CSMD3: variants seen among roughly 807,000 people sequenced by gnomAD.
CSMD3 encodes CUB and sushi domain-containing protein 3.
CSMD3 carries 177 observed loss-of-function variants against 435.2 expected under a neutral mutation model. The observed-to-expected ratio is 0.41, with a 90% CI of 0.36 to 0.46. The LOEUF is 0.46. Among genes scored for constraint, CSMD3 ranks in the 20% least tolerant of loss-of-function variants. The pLI is 0.34. For synonymous variants in CSMD3, 1,656 were observed against 1,520.5 expected (o/e 1.09, Z -2.07); for missense variants, 4,265 against 4,504.6 (o/e 0.95, Z 1.52).
intron 27 of CSMD3, among the ~76,000 whole-genome samples, chr8:112,519,642 C>T (rs1329203052): frequency 2.0e-5 from 3 of 152,106 alleles, no homozygotes; most frequent in Admixed American, 6.6e-5. Context: ...ATATGTAATA[C>T]TTGTTGAGCA....
At position 113,366,507 on chromosome 8, in the gene CSMD3, A is replaced by C. The variant is rs182507593; in HGVS notation, c.179-51714T>G. ...ACAATAATTTTAATTTATAATCTGCAATAGTGAAAACAAGCATGGCCCTCC... is the reference window on the plus strand; with the variant it reads ...ACAATAATTTTAATTTATAATCTGCCATAGTGAAAACAAGCATGGCCCTCC... On this transcript the variant is annotated intron_variant, in intron 1 of 70. Coordinates refer to ENST00000297405, the MANE Select transcript of CSMD3 (RefSeq NM_198123.2). 8.5e-5 allele frequency among the ~76,000 whole-genome samples: 13 copies of C among 152,184 alleles called. No homozygotes were observed. The East Asian group carries it at 2.3e-3, about 27-fold the overall frequency.
intron 1 of CSMD3, among the ~76,000 whole-genome samples, chr8:113,328,363 G>A (rs1350598853): frequency 2.7e-5 from 4 of 148,752 alleles, no homozygotes; most frequent in Admixed American, 1.3e-4. Context: ...GCGTGAATCC[G>A]GGAGGCGGAG....
intron 32 of CSMD3, among the ~76,000 whole-genome samples, chr8:112,436,600 A>G (rs770548306): frequency 4.6e-5 from 7 of 151,830 alleles, no homozygotes; most frequent in Non-Finnish European, 8.8e-5. Flanking sequence ...GTATACAAAA[A>G]AGTGTATGCA....
chr8:112,671,179 C>A (rs754254969), intron 16 of CSMD3, among the ~76,000 whole-genome samples: 1 of 152,054 alleles, frequency 6.6e-6, no homozygotes, highest in Non-Finnish European at 1.5e-5. Flanking sequence ...TTTAGACAGG[C>A]TTCTTCCTGA....
At chr8:113,160,155 T>C (rs537254027) in intron 4 of CSMD3, among the ~76,000 whole-genome samples, 1 of 152,068 alleles carries the variant, frequency 6.6e-6, no homozygotes, top group South Asian at 2.1e-4. Context: ...GAATCAAATG[T>C]TTTTGATTGT....
intron 47 of CSMD3, among the ~76,000 whole-genome samples, chr8:112,315,975 T>C (rs1822421463): frequency 6.6e-6 from 1 of 151,790 alleles, no homozygotes; most frequent in Non-Finnish European, 1.5e-5. Context: ...ATTCATAGTG[T>C]TCAGGGTACA....
chr8:112,542,635 T>A (rs968491256), intron 27 of CSMD3, among the ~76,000 whole-genome samples: 11 of 151,866 alleles, frequency 7.2e-5, no homozygotes, highest in Admixed American at 5.9e-4. Flanking sequence ...CTGAAAACTA[T>A]AAAACAATAA....
rs1428256132 is a variant in CSMD3, at chr8:112,835,939, T to C, written c.1756-6150A>G. Among the ~76,000 whole-genome samples the C allele has an allele frequency of 2.0e-5, 3 of 152,062 alleles. No homozygotes were observed. In the East Asian group the frequency reaches 5.8e-4, roughly 29 times the overall value. ...TATCCAGAAGGACATGATATTGTTC[T>C]GTGACCCAGTAACCACTCTGTGTAG... On this transcript the variant is annotated intron_variant, in intron 11 of 70. Coordinates refer to ENST00000297405, the MANE Select transcript of CSMD3 (RefSeq NM_198123.2).
chr8:112,897,496 T>C (rs1320132346), intron 10 of CSMD3, among the ~76,000 whole-genome samples: 1 of 151,302 alleles, frequency 6.6e-6, no homozygotes, highest in Non-Finnish European at 1.5e-5. Flanking sequence ...GCCCTATTGA[T>C]TACATTCCCT....
chr8:112,921,864 G>T, intron 9 of CSMD3, 113 bp from the exon 10 acceptor site: 1 of 804,782 alleles, frequency 1.2e-6, no homozygotes, highest in Non-Finnish European at 2.1e-6. Flanking sequence ...GTGACAAAAA[G>T]TATTTTGGAA....
At position 112,975,911 on chromosome 8, in the gene CSMD3, T is replaced by C. The variant is rs760057777; in HGVS notation, c.1268A>G (p.Gln423Arg). The C allele has an allele frequency of 1.2e-6, 2 of 1,614,034 alleles. No individual in the cohort carries two copies. Among genetic ancestry groups the C allele is most frequent in the South Asian group, 2.2e-5 (2 of 91,088 alleles). Residue 423 changes from glutamine (Q) to arginine (R), a missense_variant, in exon 7 of 71, where the codon CAA becomes CGA. By Grantham distance (43) the Gln-to-Arg change is conservative. Coordinates refer to ENST00000297405, the MANE Select transcript of CSMD3 (RefSeq NM_198123.2). The part of the protein sequence containing the change: ...DGLSPHPADT[Q>R]STRRRPRHAE... ...ATGTCTTGGTCTTCTCCTGGTACTT[T>C]GTGTATCTGCTGGATGAGGAGAGAG... is the stretch of plus-strand genomic sequence containing the variant.
chr8:112,324,624 C>G (rs1467911075), intron 45 of CSMD3, among the ~76,000 whole-genome samples: 3 of 149,620 alleles, frequency 2.0e-5, no homozygotes, highest in African/African-American at 7.3e-5. Context: ...GAATGATAGC[C>G]CTAGTGAGAG....
chr8:113,317,190 T>G, intron 1 of CSMD3, among the ~76,000 whole-genome samples: 1 of 152,150 alleles, frequency 6.6e-6, no homozygotes, highest in East Asian at 1.9e-4. Flanking sequence ...CAAAAATAAA[T>G]AAATAAATAA....
intron 1 of CSMD3, chr8:113,377,075 T>C (rs2094389595): frequency 2.3e-6 from 3 of 1,300,874 alleles, no homozygotes; most frequent in Non-Finnish European, 3.0e-6. Context: ...AGCCTCACTT[T>C]TCGCCAGCTG....
At chr8:113,121,776 T>C (rs1375973534) in intron 4 of CSMD3, among the ~76,000 whole-genome samples, 1 of 152,260 alleles carries the variant, frequency 6.6e-6, no homozygotes, top group Non-Finnish European at 1.5e-5. Flanking sequence ...CAGTTCTTTA[T>C]ATATTGTTTA....
chr8:112,246,292 C>T (rs1814717671), intron 64 of CSMD3, among the ~76,000 whole-genome samples: 1 of 152,114 alleles, frequency 6.6e-6, no homozygotes, highest in Admixed American at 6.6e-5. Context: ...TCAGCAAATC[C>T]TAAAAGCTAG....
chr8:113,173,989 T>C, intron 3 of CSMD3, 73 bp from the exon 4 acceptor site: 1 of 1,065,210 alleles, frequency 9.4e-7, no homozygotes, highest in African/African-American at 1.6e-5. Flanking sequence ...TGTATAAAAT[T>C]ATATATGTAG....
intron 2 of CSMD3, among the ~76,000 whole-genome samples, chr8:113,298,358 G>A (rs1478979937): frequency 1.3e-5 from 2 of 151,916 alleles, no homozygotes; most frequent in Non-Finnish European, 2.9e-5. Context: ...TATGATAATA[G>A]TGGGATTCAT....
chr8:112,970,189 A>G (rs964551714), intron 7 of CSMD3, among the ~76,000 whole-genome samples: 6 of 152,054 alleles, frequency 3.9e-5, no homozygotes, highest in Non-Finnish European at 7.4e-5. Context: ...AAATCATGTC[A>G]TTACATAGGT....
Sources: allele counts gnomAD v4.1 joint callset (sites outside exome capture counted in the v4.1 genomes callset), GRCh38; gene constraint gnomAD v4.1.1; transcripts MANE v1.5; gene names NCBI Gene and HGNC (gene_info 2026-07-23, HGNC 2026-07-21).